SAT2: variants seen among roughly 807,000 people sequenced by gnomAD.
SAT2 encodes spermidine/spermine N1-acetyltransferase family member 2.
A neutral mutation model predicts 24.8 loss-of-function variants in SAT2; 19 were observed. The observed-to-expected ratio is 0.77, with a 90% CI of 0.53 to 1.12. The LOEUF is 1.12. Among genes scored for constraint, SAT2 ranks in the 50% most tolerant of loss-of-function variants. SAT2 has a pLI of 0.00. For synonymous variants in SAT2, 77 were observed against 77.4 expected (o/e 0.99, Z 0.03); for missense variants, 190 against 210.7 (o/e 0.90, Z 0.61).
upstream of SAT2, chr17:7,627,823 G>A (rs1296824319): frequency 1.4e-6 from 1 of 690,910 alleles, no homozygotes; most frequent in Non-Finnish European, 2.6e-6. The surrounding 1 kb of genome is among the most constrained non-coding windows in gnomAD (Gnocchi z 4.8). Flanking sequence ...GGAGGAGAGA[G>A]TAGGCCAGCG....
chr17:7,626,676 C>T, intron 5 of SAT2, 62 bp from the exon 6 acceptor site: 1 of 1,611,932 alleles, frequency 6.2e-7, no homozygotes, highest in Non-Finnish European at 8.5e-7. Context: ...TTCTCACTCC[C>T]TCTTTCAACC....
rs760685349 is a variant in SAT2 at position 7,627,551 on chromosome 17, A to G, written c.66+19T>C. 6 of 1,607,438 alleles carry G rather than the reference A, an allele frequency of 3.7e-6. No homozygotes were observed. Among genetic ancestry groups the G allele is most frequent in the Middle Eastern group, 3.3e-4 (2 of 6,058 alleles). ...GCCGCGCCACTCTGACCCCCGGGTT[A>G]CCGGCCTGCAGTCTTCACCCGAATC... On this transcript the variant is annotated intron_variant, in intron 1 of 5. Coordinates refer to ENST00000269298, the MANE Select transcript of SAT2 (RefSeq NM_133491.5). This position sits in a 1 kb window ranked among gnomAD's most constrained non-coding sequence, Gnocchi z 4.8.
At position 7,627,667 on chromosome 17, in the gene SAT2, AGG is replaced by A; in HGVS notation, c.-34_-33del. The A allele has an allele frequency of 6.2e-7, 1 of 1,613,754 alleles. No individual in the cohort carries two copies. Among genetic ancestry groups the A allele is most frequent in the Non-Finnish European group, 8.5e-7 (1 of 1,179,796 alleles). The stretch of plus-strand genomic sequence containing the variant: ...CCCCGCTGTCTGGGACCAAAGTCCC[AGG>A]GCCTCGCAAACGGCAACTAGACCCC... On this transcript the variant is annotated 5_prime_UTR_variant, in exon 1 of 6. Coordinates refer to ENST00000269298, the MANE Select transcript of SAT2 (RefSeq NM_133491.5). The surrounding 1 kb of genome is among the most constrained non-coding windows in gnomAD (Gnocchi z 4.8).
At position 7,626,777 on chromosome 17, in the gene SAT2, G is replaced by A; in HGVS notation, c.321C>T (p.Ser107=). The A allele has an allele frequency of 6.2e-7, 1 of 1,613,930 alleles. No individual in the cohort carries two copies. The change falls in exon 5 of 6, where the codon TCC becomes TCT. Residue 107 remains serine (S), a synonymous_variant. Transcript: ENST00000269298. ...CCTCAGCCACCTTTTTGATTATTTT[G>A]GAACCAATCCCTTGACCTGTTGTGG... ...MPEYRGQGIG[S]KIIKKVAEVA...
rs779082681 is a variant in SAT2 at position 7,627,816 on chromosome 17, G to T, written c.-181C>A. 9 of 706,210 alleles carry T rather than the reference G, an allele frequency of 1.3e-5. No homozygotes were observed. The highest frequency in any genetic ancestry group is 4.3e-5 in the Admixed American group (2 of 46,062). The allele number at this position is 706,210 out of a possible 1,614,324, so 43.7% of individuals were successfully genotyped here. On this transcript the variant is annotated 5_prime_UTR_variant, in exon 1 of 6. Transcript: ENST00000269298. The surrounding 1 kb of genome is among the most constrained non-coding windows in gnomAD (Gnocchi z 4.8). The stretch of plus-strand genomic sequence containing the variant: ...GCTGGGATTCCGGCGCCGTACGGGA[G>T]GAGAGAGTAGGCCAGCGAGGCGATC...
chr17:7,627,414 C>T lies in SAT2; in HGVS notation c.67G>A (p.Glu23Lys), dbSNP rs140963299. ...GAGAGTTTTTCGAATTCGGCTAGCT[C>T]CTAAGGCGTGGGTACGGAAGCTAGA... ...DCGDILRLIR[E>K]LAEFEKLSDQ... The change falls in exon 2 of 6, where the codon GAG becomes AAG. Residue 23 changes from glutamate to lysine, a missense_variant and splice_region_variant. Coordinates refer to ENST00000269298, the MANE Select transcript of SAT2 (RefSeq NM_133491.5). The surrounding 1 kb of genome is among the most constrained non-coding windows in gnomAD (Gnocchi z 4.8). 1.8e-4 allele frequency: 289 copies of T among 1,614,120 alleles called. 1 individual carries two copies. In the African/African-American group the frequency reaches 3.4e-3, roughly 19 times the overall value.
In SAT2 at chr17:7,626,772, A is replaced by G. The variant is rs1216865901; in HGVS notation, c.326T>C (p.Ile109Thr). The G allele has an allele frequency of 6.2e-7, 1 of 1,613,990 alleles. No individual in the cohort carries two copies. The highest frequency in any genetic ancestry group is 2.2e-5 in the East Asian group (1 of 44,878). ...CCTCACCTCAGCCACCTTTTTGATT[A>G]TTTTGGAACCAATCCCTTGACCTGT... Reference protein sequence around the residue: ...EYRGQGIGSKIIKKVAEVALD... With the variant: ...EYRGQGIGSKTIKKVAEVALD... The change falls in exon 5 of 6, where the codon ATA becomes ACA. Residue 109 changes from isoleucine to threonine, a missense_variant. Ile to Thr is a moderately conservative substitution (Grantham distance 89). Transcript: ENST00000269298.
In SAT2 at chr17:7,626,453, T is replaced by C. The variant is rs774328687; in HGVS notation, c.507A>G (p.Gly169=). 1 of 1,613,976 alleles carries C rather than the reference T, an allele frequency of 6.2e-7. No individual in the cohort carries two copies. The highest frequency in any genetic ancestry group is 8.5e-7 in the Non-Finnish European group (1 of 1,179,922). The change falls in exon 6 of 6, where the codon GGA becomes GGG. Residue 169 remains glycine (G), a synonymous_variant. Transcript: ENST00000269298. The part of the protein sequence containing the change: ...FQGEATRKLA[G]K The stretch of plus-strand genomic sequence containing the variant: ...GATCCTCCTAGGGATGGCGTCACTT[T>C]CCTGCCAACTTTCTCGTTGCCTCTC...
rs1216563522 is a variant in SAT2, at chr17:7,627,437, A to G, written c.67-23T>C. On this transcript the variant is annotated intron_variant, in intron 1 of 5. Transcript: ENST00000269298. The surrounding 1 kb of genome is among the most constrained non-coding windows in gnomAD (Gnocchi z 4.8). ...CTCCTAAGGCGTGGGTACGGAAGCT[A>G]GATTAGAGCAGAAGGGCCCCGCTGC... 1 of 1,613,842 alleles carries G rather than the reference A, an allele frequency of 6.2e-7. No homozygotes were observed.
rs1400977562 is a variant in SAT2 at position 7,627,465 on chromosome 17, C to T, written c.67-51G>A. 6.8e-6 allele frequency: 11 copies of T among 1,607,646 alleles called. No homozygotes were observed. The highest frequency in any genetic ancestry group is 8.5e-6 in the Non-Finnish European group (10 of 1,174,488). On this transcript the variant is annotated intron_variant, in intron 1 of 5. Transcript: ENST00000269298. The surrounding 1 kb of genome is among the most constrained non-coding windows in gnomAD (Gnocchi z 4.8). The stretch of plus-strand genomic sequence containing the variant: ...TTAGAGCAGAAGGGCCCCGCTGCTC[C>T]CCGAGCAGGTTCCCAAGGCGAGCCC...
chr17:7,626,740 C>G lies in SAT2; in HGVS notation c.345+13G>C. 1 of 1,614,150 alleles carries G rather than the reference C, an allele frequency of 6.2e-7. No homozygotes were observed. Among genetic ancestry groups the G allele is most frequent in the Non-Finnish European group, 8.5e-7 (1 of 1,179,996 alleles). ...CTTCAGGTCCTCACTTGTCGCCCCA[C>G]CCATCTCCTCACCTCAGCCACCTTT... On this transcript the variant is annotated intron_variant, in intron 5 of 5. Coordinates refer to ENST00000269298, the MANE Select transcript of SAT2 (RefSeq NM_133491.5).
In SAT2 at chr17:7,627,807, C is replaced by T. The variant is rs1470282874; in HGVS notation, c.-172G>A. 2 of 739,612 alleles carry T rather than the reference C, an allele frequency of 2.7e-6. No homozygotes were observed. Among genetic ancestry groups the T allele is most frequent in the Non-Finnish European group, 4.8e-6 (2 of 415,920 alleles). The allele number at this position is 739,612 out of a possible 1,614,324, so 45.8% of individuals were successfully genotyped here. The stretch of plus-strand genomic sequence containing the variant: ...GTAAGTGGAGCTGGGATTCCGGCGC[C>T]GTACGGGAGGAGAGAGTAGGCCAGC... On this transcript the variant is annotated 5_prime_UTR_variant, in exon 1 of 6. Coordinates refer to ENST00000269298, the MANE Select transcript of SAT2 (RefSeq NM_133491.5). The surrounding 1 kb of genome is among the most constrained non-coding windows in gnomAD (Gnocchi z 4.8).
Position 7,627,359 on chromosome 17 carries a change from C to T in SAT2, c.118+4G>A, listed in dbSNP as rs2072246305. ...CCGCCAGAACCTGGGCGCTGAGCCC[C>T]CACCTTCTTCACTGATCTTCACCTG... On this transcript the variant is annotated splice_donor_region_variant and intron_variant, in intron 2 of 5. Coordinates refer to ENST00000269298, the MANE Select transcript of SAT2 (RefSeq NM_133491.5). The surrounding 1 kb of genome is among the most constrained non-coding windows in gnomAD (Gnocchi z 4.8). 3.7e-6 allele frequency: 6 copies of T among 1,614,044 alleles called. No individual in the cohort carries two copies. Among genetic ancestry groups the T allele is most frequent in the Admixed American group, 1.7e-5 (1 of 59,994 alleles).
chr17:7,627,543 CCCGGGTTACCGG>C lies in SAT2; in HGVS notation c.66+15_66+26del, dbSNP rs1405883639. 2 of 1,606,748 alleles carry C rather than the reference CCCGGGTTACCGG, an allele frequency of 1.2e-6. No homozygotes were observed. Among genetic ancestry groups the C allele is most frequent in the African/African-American group, 2.7e-5 (2 of 74,730 alleles). On this transcript the variant is annotated intron_variant, in intron 1 of 5. Transcript: ENST00000269298. The surrounding 1 kb of genome is among the most constrained non-coding windows in gnomAD (Gnocchi z 4.8). ...CCGCTCTGGCCGCGCCACTCTGACC[CCCGGGTTACCGG>C]CCTGCAGTCTTCACCCGAATCAGCC...
In SAT2 at chr17:7,626,251, T is replaced by TA; in HGVS notation, c.*195dup. ...ACACCACATCAGGACATGTAATTCTTATTTATTTTTCACCCTCAACAAGGA... is the reference window on the plus strand; with the variant it reads ...ACACCACATCAGGACATGTAATTCTTAATTTATTTTTCACCCTCAACAAGGA... On this transcript the variant is annotated 3_prime_UTR_variant, in exon 6 of 6. Transcript: ENST00000269298. The TA allele has an allele frequency of 1.7e-6, 1 of 590,168 alleles. No individual in the cohort carries two copies. The highest frequency in any genetic ancestry group is 3.0e-6 in the Non-Finnish European group (1 of 334,560). 36.6% of individuals were successfully genotyped at this position (590,168 alleles called of 1,614,324 possible). A position where few individuals can be genotyped will look rare whatever the true frequency, so the allele number is the denominator to read the frequency against.
rs1180899044 is a variant in SAT2 at position 7,626,338 on chromosome 17, C to T, written c.*109G>A. The T allele has an allele frequency of 7.9e-7, 1 of 1,270,614 alleles. No individual in the cohort carries two copies. The highest frequency in any genetic ancestry group is 1.1e-6 in the Non-Finnish European group (1 of 903,188). The allele number at this position is 1,270,614 out of a possible 1,614,324, so 78.7% of individuals were successfully genotyped here. A position where few individuals can be genotyped will look rare whatever the true frequency, so the allele number is the denominator to read the frequency against. On this transcript the variant is annotated 3_prime_UTR_variant, in exon 6 of 6. Coordinates refer to ENST00000269298, the MANE Select transcript of SAT2 (RefSeq NM_133491.5). ...TTGAGGATAGGCACCCCTAACCCTC[C>T]TTCCTCCAGGGAGGCCTCAGCATCA...
In SAT2 at chr17:7,627,735, A is replaced by T; in HGVS notation, c.-100T>A. On this transcript the variant is annotated 5_prime_UTR_variant, in exon 1 of 6. Coordinates refer to ENST00000269298, the MANE Select transcript of SAT2 (RefSeq NM_133491.5). The surrounding 1 kb of genome is among the most constrained non-coding windows in gnomAD (Gnocchi z 4.8). The stretch of plus-strand genomic sequence containing the variant: ...ACTTGGATCCTGAAGAGCCTGAGAG[A>T]GCGGGGTGGCGGGAGTCGGGGGGGA... The T allele has an allele frequency of 1.5e-6, 2 of 1,319,070 alleles. No individual in the cohort carries two copies. Among genetic ancestry groups the T allele is most frequent in the Non-Finnish European group, 2.2e-6 (2 of 921,142 alleles). 81.7% of individuals were successfully genotyped at this position (1,319,070 alleles called of 1,614,324 possible).
In SAT2 at chr17:7,626,952, C is replaced by G. The variant is rs1164172787; in HGVS notation, c.295G>C (p.Glu99Gln). 6.2e-7 allele frequency: 1 copy of G among 1,613,824 alleles called. No individual in the cohort carries two copies. The highest frequency in any genetic ancestry group is 1.3e-5 in the African/African-American group (1 of 74,996). ...AGCTTCTGCCCAGTACCCCGATATT[C>G]CGGCATCACATAGATATCCTCCAGA... The part of the protein sequence containing the change: ...IYLEDIYVMP[E>Q]YRGQGIGSKI... The change falls in exon 4 of 6, where the codon GAA becomes CAA. Residue 99 changes from glutamate to glutamine, a missense_variant. Coordinates refer to ENST00000269298, the MANE Select transcript of SAT2 (RefSeq NM_133491.5).
In SAT2 at chr17:7,627,560, C is replaced by T; in HGVS notation, c.66+10G>A. On this transcript the variant is annotated intron_variant, in intron 1 of 5. Transcript: ENST00000269298. This position sits in a 1 kb window ranked among gnomAD's most constrained non-coding sequence, Gnocchi z 4.8. ...CTCTGACCCCCGGGTTACCGGCCTGCAGTCTTCACCCGAATCAGCCTCAGG... is the reference window on the plus strand; with the variant it reads ...CTCTGACCCCCGGGTTACCGGCCTGTAGTCTTCACCCGAATCAGCCTCAGG... The T allele has an allele frequency of 2.5e-6, 4 of 1,608,534 alleles. No individual in the cohort carries two copies. Among genetic ancestry groups the T allele is most frequent in the Non-Finnish European group, 3.4e-6 (4 of 1,176,712 alleles).
Sources: gnomAD v4.1 joint callset for allele counts on GRCh38, gnomAD v4.1.1 for gene constraint, Gnocchi (gnomAD v3.1) non-coding constraint, MANE v1.5 for transcripts, NCBI Gene and HGNC (gene_info 2026-07-23, HGNC 2026-07-21) for gene names.